NRG1: variants seen among roughly 807,000 people sequenced by gnomAD.
NRG1 encodes the protein neuregulin 1.
A neutral mutation model predicts 63.8 loss-of-function variants in NRG1; 18 were observed. The ratio of observed to expected loss-of-function variants is 0.28; its 90% CI spans 0.19 to 0.42. NRG1 has a LOEUF of 0.42. NRG1 is among the 10% of genes least tolerant of loss of function. NRG1 has a pLI of 1.00. For synonymous variants in NRG1, 302 were observed against 301.3 expected (o/e 1.00, Z -0.02); for missense variants, 762 against 814.7 (o/e 0.94, Z 0.79).
chr8:32,212,495 A>T (rs543507119), intron 1 of NRG1, among the ~76,000 whole-genome samples: 3 of 152,300 alleles, frequency 2.0e-5, no homozygotes, highest in Admixed American at 2.0e-4. Context: ...ATTAATTTTA[A>T]TTTAAAGATA....
At chr8:32,754,746 G>A (rs1025687061) in intron 8 of NRG1, among the ~76,000 whole-genome samples, 1 of 152,116 alleles carries the variant, frequency 6.6e-6, no homozygotes, top group Non-Finnish European at 1.5e-5. Context: ...TTGTATGGAA[G>A]GTATGTGTGT....
At chr8:32,017,426 T>G (rs1381394861) in intron 1 of NRG1, among the ~76,000 whole-genome samples, 1 of 152,084 alleles carries the variant, frequency 6.6e-6, no homozygotes, top group Admixed American at 6.5e-5. Flanking sequence ...AATCAATCAG[T>G]TCTGCAGCAG....
At chr8:32,073,115 C>T (rs1825989749) in intron 1 of NRG1, among the ~76,000 whole-genome samples, 1 of 152,110 alleles carries the variant, frequency 6.6e-6, no homozygotes, top group Admixed American at 6.6e-5. Context: ...GAAGATATTC[C>T]ATTGAGAGAT....
intron 1 of NRG1, among the ~76,000 whole-genome samples, chr8:32,594,478 T>C (rs538202107): frequency 6.6e-6 from 1 of 152,294 alleles, no homozygotes; most frequent in South Asian, 2.1e-4. Context: ...GAAATGTCTA[T>C]GATAAACAGA....
intron 1 of NRG1, among the ~76,000 whole-genome samples, chr8:32,541,565 A>G (rs757913599): frequency 1.3e-5 from 2 of 152,214 alleles, no homozygotes; most frequent in African/African-American, 2.4e-5. Flanking sequence ...TATTTGAAGT[A>G]CTAATTCATC....
chr8:32,207,334 A>G (rs369828759), intron 1 of NRG1, among the ~76,000 whole-genome samples: 3 of 152,232 alleles, frequency 2.0e-5, no homozygotes, highest in East Asian at 3.9e-4. Flanking sequence ...TCTTAATGCC[A>G]TTACTCGTAA....
intron 1 of NRG1, among the ~76,000 whole-genome samples, chr8:32,290,731 G>T (rs1854097084): frequency 6.6e-6 from 1 of 152,160 alleles, no homozygotes; most frequent in African/African-American, 2.4e-5. Flanking sequence ...CAATGGATTA[G>T]ATTTTATTAT....
chr8:32,421,174 A>AT (rs1437079888), intron 1 of NRG1, among the ~76,000 whole-genome samples: 8 of 152,142 alleles, frequency 5.3e-5, no homozygotes, highest in Non-Finnish European at 1.5e-5. Context: ...AAGTACAACA[A>AT]TTTTTTCCAA....
At chr8:31,886,957 T>TTAACATTCTCTC (rs1371326497) in intron 1 of NRG1, among the ~76,000 whole-genome samples, 1 of 152,122 alleles carries the variant, frequency 6.6e-6, no homozygotes, top group Non-Finnish European at 1.5e-5. Flanking sequence ...TCCTCTTGGC[T>TTAACATTCTCTC]TAACATTCTC....
chr8:32,326,582 G>T (rs1189657397), intron 1 of NRG1, among the ~76,000 whole-genome samples: 1 of 151,920 alleles, frequency 6.6e-6, no homozygotes, highest in Non-Finnish European at 1.5e-5. Flanking sequence ...ATCTGCCTTG[G>T]CCTCCCAAAG....
chr8:32,078,611 A>C, intron 1 of NRG1, among the ~76,000 whole-genome samples: 1 of 152,218 alleles, frequency 6.6e-6, no homozygotes, highest in South Asian at 2.1e-4. Context: ...CTCTGCCTGC[A>C]TTAATATAAC....
At chr8:32,756,442 C>A (rs754168485) in exon 9 of NRG1, 1 of 1,613,786 alleles carries the variant, frequency 6.2e-7, no homozygotes. Flanking sequence ...TTCGGCAGAG[C>A]CTTCGGTCTG....
intron 9 of NRG1, among the ~76,000 whole-genome samples, chr8:32,757,687 A>G (rs1829930843): frequency 1.3e-5 from 2 of 152,194 alleles, no homozygotes; most frequent in Non-Finnish European, 2.9e-5. Flanking sequence ...CGGTAGAATG[A>G]CTGCCTAGAT....
At chr8:32,553,480 C>T (rs999008168) in intron 1 of NRG1, among the ~76,000 whole-genome samples, 18 of 152,130 alleles carry the variant, frequency 1.2e-4, no homozygotes, top group African/African-American at 4.1e-4. Flanking sequence ...TGTCAAATTC[C>T]ATAACTGCAT....
In NRG1 at chr8:32,423,144, G is replaced by A. The variant is rs559052624; in HGVS notation, c.38-172684G>A. Among the ~76,000 whole-genome samples, 4 of 152,300 alleles carry A rather than the reference G, an allele frequency of 2.6e-5. No individual in the cohort carries two copies. The East Asian group carries it at 7.7e-4, about 29-fold the overall frequency. Reference sequence around the variant, plus strand: ...ATATTGCTCCATTGGGTGGCCTGTGGTATTCAATTCACTGGAAAGTATCAA... The same window carrying A: ...ATATTGCTCCATTGGGTGGCCTGTGATATTCAATTCACTGGAAAGTATCAA... On this transcript the variant is annotated intron_variant, in intron 1 of 10. Coordinates refer to the NRG1 transcript ENST00000519301.
intron 1 of NRG1, among the ~76,000 whole-genome samples, chr8:32,022,987 C>A (rs1403047389): frequency 6.6e-6 from 1 of 152,042 alleles, no homozygotes; most frequent in South Asian, 2.1e-4. Flanking sequence ...TATATTTGTA[C>A]CATAAAATAA....
intron 1 of NRG1, among the ~76,000 whole-genome samples, chr8:32,231,572 T>C (rs950457293): frequency 6.6e-6 from 1 of 152,186 alleles, no homozygotes; most frequent in Non-Finnish European, 1.5e-5. Context: ...ACCTTGAATG[T>C]AAATTTTTTG....
intron 1 of NRG1, among the ~76,000 whole-genome samples, chr8:32,046,950 T>G (rs1448430680): frequency 7.2e-5 from 11 of 152,026 alleles, no homozygotes; most frequent in Admixed American, 7.2e-4. Context: ...AAAAAAGTCT[T>G]CCCAATGCTT....
chr8:32,196,172 G>A lies in NRG1; in HGVS notation c.38-399656G>A, dbSNP rs1016806308. 3.4e-5 allele frequency among the ~76,000 whole-genome samples: 5 copies of A among 148,940 alleles called. No individual in the cohort carries two copies. In the Admixed American group the frequency reaches 3.4e-4, roughly 10 times the overall value. Reference sequence around the variant, plus strand: ...GTGTGTATTGGAAAGCAGTTGATCTGTACACATACTTACAGTTTACTAAAC... The same window carrying A: ...GTGTGTATTGGAAAGCAGTTGATCTATACACATACTTACAGTTTACTAAAC... On this transcript the variant is annotated intron_variant, in intron 1 of 10. Transcript: ENST00000519301.
Sources: gnomAD v4.1 joint callset for allele counts (sites outside exome capture counted in the v4.1 genomes callset) on GRCh38, gnomAD v4.1.1 for gene constraint, MANE v1.5 for transcripts, NCBI Gene and HGNC (gene_info 2026-07-23, HGNC 2026-07-21) for gene names.